Variants in MAPK8IP1 observed in about 807,000 individuals in gnomAD.
The protein encoded by MAPK8IP1 is C-Jun-amino-terminal kinase-interacting protein 1.
A neutral mutation model predicts 72.6 loss-of-function variants in MAPK8IP1; 17 were observed. That is an observed-to-expected ratio of 0.23 (90% confidence interval 0.16 to 0.35). MAPK8IP1 has a LOEUF of 0.35. MAPK8IP1 is among the 10% of genes least tolerant of loss of function. MAPK8IP1 has a pLI of 1.00. For missense variants in MAPK8IP1, 789 were observed against 1,009.7 expected, an observed-to-expected ratio of 0.78 and a Z score of 2.96; for synonymous variants, 401 against 443.4, an observed-to-expected ratio of 0.90 and a Z score of 1.20.
Position 45,900,065 on chromosome 11 carries a change from G to A in MAPK8IP1, c.208-73G>A. On this transcript the variant is annotated intron_variant, in intron 2 of 11. Coordinates refer to ENST00000241014, the MANE Select transcript of MAPK8IP1 (RefSeq NM_005456.4). The surrounding 1 kb of genome is among the most constrained non-coding windows in gnomAD (Gnocchi z 6.5). ...TCGCGCCACAGAATGGACTCGCCCG[G>A]GCGGGGGGCGGTGCAAGCGGCCTCG... is the stretch of plus-strand genomic sequence containing the variant. 1.0e-6 allele frequency: 1 copy of A among 975,592 alleles called. No individual in the cohort carries two copies. The highest frequency in any genetic ancestry group is 1.3e-6 in the Non-Finnish European group (1 of 778,610). The allele number at this position is 975,592 out of a possible 1,614,324, so 60.4% of individuals were successfully genotyped here.
chr11:45,896,632 G>A, intron 1 of MAPK8IP1: 20 of 1,365,318 alleles, frequency 1.5e-5, no homozygotes, highest in Non-Finnish European at 1.8e-5. Context: ...GAAGGTGCCT[G>A]CAGCTGAGGG....
rs752588546 is a variant in MAPK8IP1 at position 45,898,197 on chromosome 11, G to C, written c.207+7G>C. The C allele has an allele frequency of 2.0e-5, 32 of 1,597,022 alleles. No homozygotes were observed. The highest frequency in any genetic ancestry group is 6.7e-5 in the Admixed American group (4 of 59,930). ...AGACACCCTGTCCTTACGGGTAAGG[G>C]CAAGCTCCCAGGAGCTCCTGAGTGG... On this transcript the variant is annotated splice_region_variant and intron_variant, in intron 2 of 11. Coordinates refer to ENST00000241014, the MANE Select transcript of MAPK8IP1 (RefSeq NM_005456.4).
rs554259465 is a variant in MAPK8IP1, at chr11:45,902,028, C to A, written c.571C>A (p.Arg191=). 2 of 1,614,030 alleles carry A rather than the reference C, an allele frequency of 1.2e-6. No homozygotes were observed. The highest frequency in any genetic ancestry group is 1.7e-6 in the Non-Finnish European group (2 of 1,180,004). The change falls in exon 4 of 12, where the codon CGG becomes AGG. Residue 191 remains arginine (R), a synonymous_variant. Coordinates refer to ENST00000241014, the MANE Select transcript of MAPK8IP1 (RefSeq NM_005456.4). This position sits in a 1 kb window ranked among gnomAD's most constrained non-coding sequence, Gnocchi z 9.3. ...GGGCAAAAAGCACAGTTGGCAGGAT[C>A]GGGTGTCTCGATCATCCTCACCCCT... ...SLGKKHSWQD[R]VSRSSSPLKT...
At chr11:45,896,517 G>T in intron 1 of MAPK8IP1, 2 of 1,078,736 alleles carry the variant, frequency 1.9e-6, no homozygotes, top group Non-Finnish European at 2.3e-6. Flanking sequence ...CCCCGACAGG[G>T]GCATTGGAAG....
rs776662242 is a variant in MAPK8IP1, at chr11:45,903,219, G to T, written c.1417+35G>T. 1 of 1,586,112 alleles carries T rather than the reference G, an allele frequency of 6.3e-7. No homozygotes were observed. Among genetic ancestry groups the T allele is most frequent in the Non-Finnish European group, 8.6e-7 (1 of 1,164,944 alleles). ...CAAGGGGAAGCAGTGGGGTGGGGGGGTCCCTAGCGGGGGCAGAGCCAAAAT... is the reference window on the plus strand; with the variant it reads ...CAAGGGGAAGCAGTGGGGTGGGGGGTTCCCTAGCGGGGGCAGAGCCAAAAT... On this transcript the variant is annotated intron_variant, in intron 5 of 11. Coordinates refer to ENST00000241014, the MANE Select transcript of MAPK8IP1 (RefSeq NM_005456.4). This position sits in a 1 kb window ranked among gnomAD's most constrained non-coding sequence, Gnocchi z 6.4.
chr11:45,896,382 C>T (rs541231111), intron 1 of MAPK8IP1, among the ~76,000 whole-genome samples: 2 of 152,380 alleles, frequency 1.3e-5, no homozygotes, highest in African/African-American at 4.8e-5. Flanking sequence ...CTTCATCTCC[C>T]ACCTGGCACC....
chr11:45,885,963 G>C, intron 1 of MAPK8IP1, 42 bp downstream of exon 1: 2 of 1,340,008 alleles, frequency 1.5e-6, no homozygotes, highest in Middle Eastern at 1.8e-4. Context: ...CTTCAGCGGG[G>C]ACTGATCCGC....
chr11:45,904,631 G>A lies in MAPK8IP1; in HGVS notation c.1776+67G>A, dbSNP rs2086688117. 2 of 1,597,032 alleles carry A rather than the reference G, an allele frequency of 1.3e-6. No individual in the cohort carries two copies. The highest frequency in any genetic ancestry group is 3.3e-5 in the Admixed American group (2 of 60,014). Reference sequence around the variant, plus strand: ...TGGGGCAGAGGGACGCAGGTGTCTAGAGGCAGTAAAGGGCTCAGGCCCTGG... The same window carrying A: ...TGGGGCAGAGGGACGCAGGTGTCTAAAGGCAGTAAAGGGCTCAGGCCCTGG... On this transcript the variant is annotated intron_variant, in intron 8 of 11. Coordinates refer to ENST00000241014, the MANE Select transcript of MAPK8IP1 (RefSeq NM_005456.4). This position sits in a 1 kb window ranked among gnomAD's most constrained non-coding sequence, Gnocchi z 6.4.
Position 45,903,933 on chromosome 11 carries a change from G to T in MAPK8IP1, c.1494-56G>T. On this transcript the variant is annotated intron_variant, in intron 6 of 11. Coordinates refer to ENST00000241014, the MANE Select transcript of MAPK8IP1 (RefSeq NM_005456.4). The surrounding 1 kb of genome is among the most constrained non-coding windows in gnomAD (Gnocchi z 6.4). ...GCTGTGGCTCCCAGACCCCAGAGTA[G>T]GCCTGGCTGGACAGGCCTTGGTGCC... 6.5e-7 allele frequency: 1 copy of T among 1,544,178 alleles called. No individual in the cohort carries two copies. Among genetic ancestry groups the T allele is most frequent in the Non-Finnish European group, 8.9e-7 (1 of 1,120,440 alleles).
In MAPK8IP1 at chr11:45,902,065, A is replaced by G; in HGVS notation, c.604+4A>G. 4 of 1,613,472 alleles carry G rather than the reference A, an allele frequency of 2.5e-6. No homozygotes were observed. The highest frequency in any genetic ancestry group is 3.4e-6 in the Non-Finnish European group (4 of 1,179,398). On this transcript the variant is annotated splice_donor_region_variant and intron_variant, in intron 4 of 11. Transcript: ENST00000241014. The surrounding 1 kb of genome is among the most constrained non-coding windows in gnomAD (Gnocchi z 9.3). ...TCATCCTCACCCCTGAAGACAGGTAAGTCAGGGCCCTCTTCCTTACCTGGA... is the reference window on the plus strand; with the variant it reads ...TCATCCTCACCCCTGAAGACAGGTAGGTCAGGGCCCTCTTCCTTACCTGGA...
Position 45,902,952 on chromosome 11 carries a change from C to T in MAPK8IP1, c.1185C>T (p.Ser395=). The change falls in exon 5 of 12, where the codon AGC becomes AGT. Residue 395 remains serine (S), a synonymous_variant. Transcript: ENST00000241014. This position sits in a 1 kb window ranked among gnomAD's most constrained non-coding sequence, Gnocchi z 9.3. ...AGCATGCACAGCTGGAGCTGGTGAG[C>T]CTGCGGCCGTGCTTCGGAGACTACA... ...VDEHAQLELV[S]LRPCFGDYSD... 2 of 1,611,956 alleles carry T rather than the reference C, an allele frequency of 1.2e-6. No individual in the cohort carries two copies. Among genetic ancestry groups the T allele is most frequent in the Non-Finnish European group, 8.5e-7 (1 of 1,179,798 alleles).
At position 45,906,421 on chromosome 11, in the gene MAPK8IP1, C is replaced by T; in HGVS notation, c.*700C>T. ...GACACAGGCCAGCCCCATCTTGGTC[C>T]TGTCACCCTGGCCCCAACTATTAAA... On this transcript the variant is annotated 3_prime_UTR_variant, in exon 12 of 12. Transcript: ENST00000241014. 1 of 1,082,336 alleles carries T rather than the reference C, an allele frequency of 9.2e-7. No homozygotes were observed. Among genetic ancestry groups the T allele is most frequent in the Non-Finnish European group, 1.3e-6 (1 of 791,824 alleles). The allele number at this position is 1,082,336 out of a possible 1,614,324, so 67.0% of individuals were successfully genotyped here. A position where few individuals can be genotyped will look rare whatever the true frequency, so the allele number is the denominator to read the frequency against.
intron 1 of MAPK8IP1, chr11:45,897,015 T>C: frequency 6.6e-7 from 1 of 1,513,090 alleles, no homozygotes. Context: ...GAGCTCAGGG[T>C]CTCTGATCTG....
intron 1 of MAPK8IP1, among the ~76,000 whole-genome samples, chr11:45,895,601 C>A: frequency 7.6e-6 from 1 of 131,660 alleles, no homozygotes; most frequent in Admixed American, 8.6e-5. Context: ...GCCTGGGTGA[C>A]AGAGCGAAAG....
intron 11 of MAPK8IP1, 38 bp downstream of exon 11, chr11:45,905,287 G>A (rs1467099965): frequency 6.4e-7 from 1 of 1,572,996 alleles, no homozygotes; most frequent in Admixed American, 1.7e-5. Context: ...GCCCGAGGGA[G>A]CACGCCCAAT....
chr11:45,903,705 A>G lies in MAPK8IP1; in HGVS notation c.1493+265A>G, dbSNP rs2086677393. On this transcript the variant is annotated intron_variant, in intron 6 of 11. Coordinates refer to ENST00000241014, the MANE Select transcript of MAPK8IP1 (RefSeq NM_005456.4). This position sits in a 1 kb window ranked among gnomAD's most constrained non-coding sequence, Gnocchi z 6.4. ...AGGGTGACCAGGAGGATGCCTGCCC[A>G]CACCCCACCTGACCCTTCTCTAGAC... 6.6e-6 allele frequency among the ~76,000 whole-genome samples: 1 copy of G among 152,082 alleles called. No homozygotes were observed. The highest frequency in any genetic ancestry group is 2.4e-5 in the African/African-American group (1 of 41,414).
At chr11:45,886,137 G>A (rs2086525588) in intron 1 of MAPK8IP1, among the ~76,000 whole-genome samples, 1 of 152,220 alleles carries the variant, frequency 6.6e-6, no homozygotes, top group South Asian at 2.1e-4. Flanking sequence ...TGTTCCCTCC[G>A]CCATTCCTGG....
Position 45,904,601 on chromosome 11 carries a change from G to A in MAPK8IP1, c.1776+37G>A. The stretch of plus-strand genomic sequence containing the variant: ...CTCTCCCTTCTCCTCCCTTGGATGG[G>A]TCCCTGGGGCAGAGGGACGCAGGTG... On this transcript the variant is annotated intron_variant, in intron 8 of 11. Transcript: ENST00000241014. This position sits in a 1 kb window ranked among gnomAD's most constrained non-coding sequence, Gnocchi z 6.4. 1 of 1,603,892 alleles carries A rather than the reference G, an allele frequency of 6.2e-7. No homozygotes were observed. Among genetic ancestry groups the A allele is most frequent in the Non-Finnish European group, 8.5e-7 (1 of 1,170,694 alleles).
At chr11:45,885,996 C>A (rs908159840) in intron 1 of MAPK8IP1, 75 bp downstream of exon 1, 11 of 881,848 alleles carry the variant, frequency 1.2e-5, no homozygotes, top group African/African-American at 1.8e-5. Context: ...GCCCGCCCCC[C>A]ACCCCAGAAC....
Sources: allele counts gnomAD v4.1 joint callset (sites outside exome capture counted in the v4.1 genomes callset), GRCh38; gene constraint gnomAD v4.1.1; non-coding constraint Gnocchi (gnomAD v3.1); transcripts MANE v1.5; gene names NCBI Gene and HGNC (gene_info 2026-07-23, HGNC 2026-07-21).